ANKRD36B: variants seen among roughly 807,000 people sequenced by gnomAD.
The protein encoded by ANKRD36B is ankyrin repeat domain 36B, also known as ankyrin repeat domain-containing protein 36B.
A neutral mutation model predicts 135.7 loss-of-function variants in ANKRD36B; 37 were observed. The observed-to-expected ratio is 0.27, with a 90% CI of 0.21 to 0.36. The LOEUF (loss-of-function observed/expected upper bound fraction) is 0.36, where lower values mean the gene tolerates loss of function less well. Ranked by LOEUF, ANKRD36B falls within the 10% of genes least tolerant of loss-of-function variation. The pLI is 1.00. For missense variants in ANKRD36B, 549 were observed against 1,037.1 expected (o/e 0.53, Z 6.46); for synonymous variants, 179 against 348.1 (o/e 0.51, Z 5.41).
At chr2:97,559,539 G>A (rs528019464) in intron 8 of ANKRD36B, among the ~76,000 whole-genome samples, 48 of 152,016 alleles carry the variant, frequency 3.2e-4, no homozygotes, top group African/African-American at 1.1e-3. Flanking sequence ...CTGAGATCTA[G>A]TAGATAATAT....
intron 12 of ANKRD36B, among the ~76,000 whole-genome samples, chr2:97,556,068 T>C (rs534275157): frequency 1.3e-5 from 2 of 152,056 alleles, no homozygotes; most frequent in East Asian, 3.9e-4. Flanking sequence ...AATTAATACA[T>C]TTAACATTAT....
chr2:97,574,366 A>G (rs1459595314), intron 6 of ANKRD36B, among the ~76,000 whole-genome samples: 2 of 152,168 alleles, frequency 1.3e-5, no homozygotes, highest in East Asian at 1.9e-4. Context: ...TTAGAATGGC[A>G]ATCATTAAAA....
rs1159417684 is a variant in ANKRD36B at position 97,524,428 on chromosome 2, A to G, written c.2266-961T>C. Reference sequence around the variant, plus strand: ...AATTTTCCTTGTCTGAGTTAAAAACATGTTCAGTATCTGGTTTGTTGTCAT... The same window carrying G: ...AATTTTCCTTGTCTGAGTTAAAAACGTGTTCAGTATCTGGTTTGTTGTCAT... On this transcript the variant is annotated intron_variant, in intron 35 of 43. Coordinates refer to ENST00000359901, the MANE Select transcript of ANKRD36B (RefSeq NM_001393939.1). 2.1e-5 allele frequency: 2 copies of G among 96,170 alleles called. 1 individual carries two copies. Among genetic ancestry groups the G allele is most frequent in the Non-Finnish European group, 5.5e-5 (2 of 36,142 alleles). 6.0% of individuals were successfully genotyped at this position (96,170 alleles called of 1,614,324 possible).
rs2078168281 is a variant in ANKRD36B, at chr2:97,525,759, C to T, written c.2266-2292G>A. On this transcript the variant is annotated intron_variant, in intron 35 of 43. Transcript: ENST00000359901. ...GCGCACCAGGAGATTATATCCTGCACCTGGCTCAGACAGTCCTATGCCCAT... is the reference window on the plus strand; with the variant it reads ...GCGCACCAGGAGATTATATCCTGCATCTGGCTCAGACAGTCCTATGCCCAT... Among the ~76,000 whole-genome samples the T allele has an allele frequency of 2.0e-5, 2 of 98,056 alleles. 1 individual carries two copies. 64.3% of individuals were successfully genotyped at this position (98,056 alleles called of 152,430 possible). A position where few individuals can be genotyped will look rare whatever the true frequency, so the allele number is the denominator to read the frequency against.
intron 18 of ANKRD36B, among the ~76,000 whole-genome samples, chr2:97,550,822 T>C (rs1264715713): frequency 1.3e-5 from 2 of 151,838 alleles, no homozygotes; most frequent in African/African-American, 2.4e-5. Flanking sequence ...CCCACATTCC[T>C]GCCTCACAAT....
intron 34 of ANKRD36B, among the ~76,000 whole-genome samples, chr2:97,535,487 AC>A (rs1414181984): frequency 1.2e-3 from 7 of 6,042 alleles, no homozygotes; most frequent in African/African-American, 3.7e-3. Context: ...AAAAAATAAA[AC>A]ACACACACAC....
rs761866937 is a variant in ANKRD36B at position 97,560,770 on chromosome 2, G to A, written c.793-33C>T. The A allele has an allele frequency of 1.9e-6, 3 of 1,594,662 alleles. No homozygotes were observed. In the Admixed American group the frequency reaches 5.1e-5, roughly 27 times the overall value. ...GGATTTGAAACAAAATAATCAATAT[G>A]TAAAGTAGGTTTCATAGACTATACA... On this transcript the variant is annotated intron_variant, in intron 7 of 43. Transcript: ENST00000359901.
rs1454798004 is a variant in ANKRD36B at position 97,585,032 on chromosome 2, G to A, written c.362C>T (p.Thr121Ile). The change falls in exon 3 of 44, where the codon ACT becomes ATT. Residue 121 changes from threonine (T) to isoleucine (I), a missense_variant. By Grantham distance (89) the Thr-to-Ile change is moderately conservative. Transcript: ENST00000359901. ...ATTATACACAGCGTAGTGCAGAGCA[G>A]TCCTTCCAAAGACATCCGTAATATT... ...DPNITDVFGR[T>I]ALHYAVYNED... 1 of 1,611,488 alleles carries A rather than the reference G, an allele frequency of 6.2e-7. No individual in the cohort carries two copies. The highest frequency in any genetic ancestry group is 1.7e-5 in the Admixed American group (1 of 59,970).
rs1382868111 is a variant in ANKRD36B at position 97,553,350 on chromosome 2, G to C, written c.1193C>G (p.Ala398Gly). 4.3e-6 allele frequency: 7 copies of C among 1,609,598 alleles called. No individual in the cohort carries two copies. The East Asian group carries it at 6.7e-5, about 15-fold the overall frequency. ...AAATGAGAGTTCAATTACCTTCAAG[G>C]CTTGTTGTTTCTGAGAAGACACTGA... is the stretch of plus-strand genomic sequence containing the variant. Reference protein sequence around the residue: ...CGTVSSQKQQALKATTDEEGS... With the variant: ...CGTVSSQKQQGLKATTDEEGS... The change falls in exon 15 of 44, where the codon GCC (alanine) becomes GGC (glycine). Residue 398 changes from alanine to glycine, a missense_variant. Coordinates refer to ENST00000359901, the MANE Select transcript of ANKRD36B (RefSeq NM_001393939.1).
rs1468257936 is a variant in ANKRD36B, at chr2:97,528,163, C to T, written c.2265+4148G>A. ...ACCACATAGTTGGAAGTAAAGCTCTCCTCAGCAAATGTAAAAGTACAGAAA... is the reference window on the plus strand; with the variant it reads ...ACCACATAGTTGGAAGTAAAGCTCTTCTCAGCAAATGTAAAAGTACAGAAA... On this transcript the variant is annotated intron_variant, in intron 35 of 43. Transcript: ENST00000359901. Among the ~76,000 whole-genome samples the T allele has an allele frequency of 4.2e-5, 4 of 95,642 alleles. 1 individual carries two copies. The highest frequency in any genetic ancestry group is 9.5e-5 in the African/African-American group (3 of 31,744). The allele number at this position is 95,642 out of a possible 152,430, so 62.7% of individuals were successfully genotyped here.
chr2:97,527,359 GA>G (rs2078272691), intron 35 of ANKRD36B, among the ~76,000 whole-genome samples: 1 of 94,268 alleles, frequency 1.1e-5, no homozygotes, highest in Admixed American at 9.4e-5. Context: ...AATGATGAGA[GA>G]TTTTGTCACC....
At position 97,531,906 on chromosome 2, in the gene ANKRD36B, TA is replaced by T. The variant is rs1287877461; in HGVS notation, c.2265+404del. Reference sequence around the variant, plus strand: ...TAACCTTGGTATTAGTGACTGGCAATAAAAAAACTGCAAAGTTTGAACCACT... The same window carrying T: ...TAACCTTGGTATTAGTGACTGGCAATAAAAAACTGCAAAGTTTGAACCACT... On this transcript the variant is annotated intron_variant, in intron 35 of 43. Coordinates refer to ENST00000359901, the MANE Select transcript of ANKRD36B (RefSeq NM_001393939.1). Among the ~76,000 whole-genome samples the T allele has an allele frequency of 4.2e-5, 4 of 96,340 alleles. 1 individual carries two copies. Among genetic ancestry groups the T allele is most frequent in the African/African-American group, 1.2e-4 (4 of 32,210 alleles). The allele number at this position is 96,340 out of a possible 152,430, so 63.2% of individuals were successfully genotyped here. A position where few individuals can be genotyped will look rare whatever the true frequency, so the allele number is the denominator to read the frequency against.
chr2:97,574,132 T>C (rs939388232), intron 6 of ANKRD36B, among the ~76,000 whole-genome samples: 1,609 of 152,196 alleles, frequency 0.011, 36 homozygotes, highest in African/African-American at 0.036. Flanking sequence ...TTTTTGCAAC[T>C]TACTCATCTG....
At chr2:97,550,643 G>A (rs1034772113) in intron 18 of ANKRD36B, among the ~76,000 whole-genome samples, 2 of 151,684 alleles carry the variant, frequency 1.3e-5, no homozygotes, top group Non-Finnish European at 2.9e-5. Context: ...GAGGAGTAAT[G>A]AGTCATTGTG....
chr2:97,529,809 T>G (rs1401001941), intron 35 of ANKRD36B, among the ~76,000 whole-genome samples: 2 of 94,972 alleles, frequency 2.1e-5, no homozygotes, highest in African/African-American at 6.3e-5. Context: ...TCACAATTGC[T>G]TCAAAGAGAA....
At chr2:97,568,030 A>G (rs1241469393) in intron 6 of ANKRD36B, among the ~76,000 whole-genome samples, 3 of 152,150 alleles carry the variant, frequency 2.0e-5, no homozygotes, top group Non-Finnish European at 4.4e-5. Flanking sequence ...ATATTTTGTG[A>G]GCTCACATTC....
rs551878434 is a variant in ANKRD36B at position 97,549,999 on chromosome 2, A to G, written c.1376-385T>C. ...ATCCCACATGTCTTTCATGCAACAA[A>G]TCAAAAGGATTTACACCATTATACT... On this transcript the variant is annotated intron_variant, in intron 18 of 43. Coordinates refer to ENST00000359901, the MANE Select transcript of ANKRD36B (RefSeq NM_001393939.1). Among the ~76,000 whole-genome samples the G allele has an allele frequency of 2.0e-5, 3 of 152,000 alleles. 1 individual carries two copies. The South Asian group carries it at 6.2e-4, about 32-fold the overall frequency.
intron 14 of ANKRD36B, among the ~76,000 whole-genome samples, chr2:97,554,331 T>C (rs549464065): frequency 6.6e-6 from 1 of 152,100 alleles, no homozygotes; most frequent in African/African-American, 2.4e-5. Context: ...TGTATTGATA[T>C]TCAAGTTTAT....
intron 12 of ANKRD36B, among the ~76,000 whole-genome samples, chr2:97,556,077 AT>A (rs752695899): frequency 2.0e-5 from 3 of 151,866 alleles, no homozygotes; most frequent in Non-Finnish European, 4.4e-5. Flanking sequence ...ATTTAACATT[AT>A]TTTTGTCTGC....
Sources: gnomAD v4.1 joint callset for allele counts (sites outside exome capture counted in the v4.1 genomes callset) on GRCh38, gnomAD v4.1.1 for gene constraint, MANE v1.5 for transcripts, NCBI Gene and HGNC (gene_info 2026-07-23, HGNC 2026-07-21) for gene names.